The following SPCS2 variants were observed in gnomAD, a reference collection of about 807,000 sequenced individuals.
SPCS2 encodes the protein signal peptidase complex subunit 2, also known as SPase 25 kDa subunit.
A neutral mutation model predicts 22.3 loss-of-function variants in SPCS2; 3 were observed. That is an observed-to-expected ratio of 0.13 (90% CI 0.06 to 0.35). SPCS2 has a LOEUF of 0.35. Among genes scored for constraint, SPCS2 ranks in the 10% least tolerant of loss-of-function variants. SPCS2 has a pLI of 1.00. For synonymous variants in SPCS2, 67 were observed against 97.2 expected (o/e 0.69, Z 1.83); for missense variants, 169 against 280.9 (o/e 0.60, Z 2.85).
At chr11:74,970,728 C>G (rs747482633) in intron 4 of SPCS2, among the ~76,000 whole-genome samples, 1 of 152,226 alleles carries the variant, frequency 6.6e-6, no homozygotes, top group Non-Finnish European at 1.5e-5. Flanking sequence ...TCTAGCTGCC[C>G]TTTGGCCTCA....
intron 1 of SPCS2, among the ~76,000 whole-genome samples, chr11:74,962,336 G>C (rs997567082): frequency 6.6e-6 from 1 of 152,176 alleles, no homozygotes; most frequent in Non-Finnish European, 1.5e-5. Flanking sequence ...TTATCAGCCA[G>C]CTTGTCAGAT....
chr11:74,970,802 C>T (rs7932944), intron 4 of SPCS2, among the ~76,000 whole-genome samples: 3,757 of 152,204 alleles, frequency 0.025, 169 homozygotes, highest in African/African-American at 0.086. Context: ...TAAAACCTAG[C>T]GGCATTATAA....
At chr11:74,949,682 C>T (rs1430680268) in intron 1 of SPCS2, 13 of 485,304 alleles carry the variant, frequency 2.7e-5, no homozygotes, top group East Asian at 1.2e-4. Flanking sequence ...TAATCGTGTC[C>T]ATCTCTTTTC....
At chr11:74,964,933 A>G in intron 1 of SPCS2, 101 bp from the exon 2 acceptor site, 1 of 725,226 alleles carries the variant, frequency 1.4e-6, no homozygotes, top group South Asian at 2.0e-5. Flanking sequence ...ACAAAGAGTA[A>G]ATATTATATG....
intron 1 of SPCS2, among the ~76,000 whole-genome samples, chr11:74,952,113 T>C (rs1243871476): frequency 6.6e-6 from 1 of 152,174 alleles, no homozygotes; most frequent in Admixed American, 6.5e-5. Context: ...AGGAAAACTA[T>C]TCAGATGGTT....
intron 3 of SPCS2, among the ~76,000 whole-genome samples, chr11:74,968,881 C>A (rs1020810473): frequency 2.0e-5 from 3 of 152,046 alleles, no homozygotes; most frequent in Non-Finnish European, 4.4e-5. Flanking sequence ...GTTGGCCAGG[C>A]TGGTTTCAAA....
At chr11:74,956,618 G>A (rs1948480569) in intron 1 of SPCS2, among the ~76,000 whole-genome samples, 2 of 152,098 alleles carry the variant, frequency 1.3e-5, no homozygotes, top group Non-Finnish European at 2.9e-5. Context: ...TCCAGCTTCC[G>A]TGCTTGGCTC....
At chr11:74,963,604 C>G in intron 1 of SPCS2, 1 of 441,136 alleles carries the variant, frequency 2.3e-6, no homozygotes, top group Non-Finnish European at 4.5e-6. Context: ...GAGACAAGCT[C>G]TCACTATATT....
chr11:74,957,968 A>G (rs185341935), intron 1 of SPCS2, among the ~76,000 whole-genome samples: 2 of 152,368 alleles, frequency 1.3e-5, no homozygotes, highest in East Asian at 1.9e-4. Flanking sequence ...AATATGCTGA[A>G]TCAAGTTGTT....
At chr11:74,976,788 G>A in intron 4 of SPCS2, 69 bp from the exon 5 acceptor site, 1 of 1,589,594 alleles carries the variant, frequency 6.3e-7, no homozygotes, top group South Asian at 1.1e-5. Flanking sequence ...GAAACACTTG[G>A]TGCCGTATTG....
chr11:74,950,536 T>C (rs1948398498), intron 1 of SPCS2, among the ~76,000 whole-genome samples: 1 of 152,154 alleles, frequency 6.6e-6, no homozygotes, highest in Non-Finnish European at 1.5e-5. Context: ...TGTCATTGGT[T>C]TTGAAAGACA....
At chr11:74,973,396 G>A (rs1470597246) in intron 4 of SPCS2, among the ~76,000 whole-genome samples, 1 of 151,904 alleles carries the variant, frequency 6.6e-6, no homozygotes, top group Non-Finnish European at 1.5e-5. Context: ...CTAGTAACTT[G>A]GCCTCTCAGT....
intron 1 of SPCS2, among the ~76,000 whole-genome samples, chr11:74,953,257 A>G (rs370941961): frequency 2.1e-3 from 322 of 151,654 alleles, no homozygotes; most frequent in African/African-American, 5.5e-3. Flanking sequence ...ATTTGTCGCA[A>G]TCTCCACTCA....
intron 1 of SPCS2, among the ~76,000 whole-genome samples, chr11:74,962,767 A>G (rs1225092381): frequency 6.6e-6 from 1 of 152,188 alleles, no homozygotes; most frequent in Non-Finnish European, 1.5e-5. Flanking sequence ...CCGTAAAGTC[A>G]AATTATAACC....
rs1430276105 is a variant in SPCS2 at position 74,965,101 on chromosome 11, A to T, written c.182A>T (p.Asp61Val). 6.4e-7 allele frequency: 1 copy of T among 1,550,392 alleles called. No homozygotes were observed. Among genetic ancestry groups the T allele is most frequent in the Non-Finnish European group, 8.7e-7 (1 of 1,145,982 alleles). Reference sequence around the variant, plus strand: ...GGATCAGCTGTGAAAAACTCTTTGGATGATTCTGCCAAAAAGGTACTTTCT... The same window carrying T: ...GGATCAGCTGTGAAAAACTCTTTGGTTGATTCTGCCAAAAAGGTACTTTCT... ...WDGSAVKNSLDDSAKKVLLEK... is the reference protein window; with the variant it reads ...WDGSAVKNSLVDSAKKVLLEK... The change falls in exon 2 of 5, where the codon GAT becomes GTT. Residue 61 changes from aspartate to valine, a missense_variant. Around this residue, in one of 2 missense-constraint regions of SPCS2, gnomAD observed 118 missense variants for 243.1 expected, o/e 0.49. Coordinates refer to ENST00000263672, the MANE Select transcript of SPCS2 (RefSeq NM_014752.3).
chr11:74,972,448 C>T (rs576537708), intron 4 of SPCS2, among the ~76,000 whole-genome samples: 1 of 152,306 alleles, frequency 6.6e-6, no homozygotes, highest in East Asian at 1.9e-4. Context: ...TGTGTCTCCT[C>T]CTGGGCCCGC....
chr11:74,950,023 G>A (rs1379704496), intron 1 of SPCS2, among the ~76,000 whole-genome samples: 2 of 150,990 alleles, frequency 1.3e-5, no homozygotes, highest in Non-Finnish European at 2.9e-5. Context: ...ACTGCTGCCC[G>A]CTCACGCTTG....
Position 74,978,384 on chromosome 11 carries a change from T to C in SPCS2, c.*1341T>C, listed in dbSNP as rs1948627878. 1 of 152,224 alleles carries C rather than the reference T, an allele frequency of 6.6e-6. No individual in the cohort carries two copies. Among genetic ancestry groups the C allele is most frequent in the Non-Finnish European group, 1.5e-5 (1 of 68,040 alleles). 9.4% of individuals were successfully genotyped at this position (152,224 alleles called of 1,614,324 possible). A position where few individuals can be genotyped will look rare whatever the true frequency, so the allele number is the denominator to read the frequency against. On this transcript the variant is annotated 3_prime_UTR_variant, in exon 5 of 5. Transcript: ENST00000263672. Reference sequence around the variant, plus strand: ...GTTAAAGCCTTGGATTCTGTACTCTTCATTCCTGTAAACCTTGGGTAAGTT... The same window carrying C: ...GTTAAAGCCTTGGATTCTGTACTCTCCATTCCTGTAAACCTTGGGTAAGTT...
At chr11:74,957,737 G>T (rs1365464776) in intron 1 of SPCS2, among the ~76,000 whole-genome samples, 1 of 152,088 alleles carries the variant, frequency 6.6e-6, no homozygotes, top group Non-Finnish European at 1.5e-5. Context: ...ATAATTCATT[G>T]TAAGTATAGG....
Sources: gnomAD v4.1 joint callset for allele counts (sites outside exome capture counted in the v4.1 genomes callset) on GRCh38, gnomAD v4.1.1 for gene constraint, gnomAD v4.1.1 regional missense constraint, MANE v1.5 for transcripts, NCBI Gene and HGNC (gene_info 2026-07-23, HGNC 2026-07-21) for gene names.